The following SH3RF3 variants were observed in gnomAD, a reference collection of about 807,000 sequenced individuals.
SH3RF3 encodes the protein E3 ubiquitin-protein ligase SH3RF3.
A neutral mutation model predicts 66.3 loss-of-function variants in SH3RF3; 29 were observed. The observed-to-expected ratio is 0.44, with a 90% confidence interval of 0.33 to 0.60. SH3RF3 has a LOEUF of 0.60. Ranked by LOEUF, SH3RF3 falls within the 20% of genes least tolerant of loss-of-function variation. The probability of loss-of-function intolerance (pLI) is 0.04; values close to 1 mark genes in which losing one functional copy is unlikely to be tolerated. For synonymous variants in SH3RF3, 583 were observed against 532.0 expected, an observed-to-expected ratio of 1.10 and a Z score of -1.32; for missense variants, 1,194 against 1,190.9, an observed-to-expected ratio of 1.00 and a Z score of -0.04.
intron 1 of SH3RF3, among the ~76,000 whole-genome samples, chr2:109,220,719 A>G (rs986281438): frequency 1.4e-5 from 2 of 143,456 alleles, no homozygotes; most frequent in Non-Finnish European, 3.0e-5. Flanking sequence ...ACAGTGAGAA[A>G]CCATTCCCAC....
chr2:109,294,718 C>T (rs923230934), intron 1 of SH3RF3, among the ~76,000 whole-genome samples: 2 of 152,120 alleles, frequency 1.3e-5, no homozygotes, highest in African/African-American at 4.8e-5. Flanking sequence ...ACAGACACAG[C>T]CCTACAGGGG....
At chr2:109,391,801 C>A (rs1043182051) in intron 3 of SH3RF3, among the ~76,000 whole-genome samples, 5 of 152,110 alleles carry the variant, frequency 3.3e-5, no homozygotes, top group African/African-American at 1.2e-4. Context: ...TTTGCCTGAC[C>A]CACTTTTCAT....
At chr2:109,211,272 T>C (rs1160319286) in intron 1 of SH3RF3, among the ~76,000 whole-genome samples, 1 of 152,242 alleles carries the variant, frequency 6.6e-6, no homozygotes, top group Non-Finnish European at 1.5e-5. Context: ...GGGGATGTCC[T>C]GCCATTTGCA....
intron 1 of SH3RF3, among the ~76,000 whole-genome samples, chr2:109,189,788 C>T (rs1678298502): frequency 6.6e-6 from 1 of 152,172 alleles, no homozygotes. Flanking sequence ...ACAAGTTCCC[C>T]AACAGTGAGA....
rs758348459 is a variant in SH3RF3 at position 109,449,333 on chromosome 2, G to T, written c.1992G>T (p.Pro664=). The T allele has an allele frequency of 2.0e-5, 32 of 1,604,756 alleles. No homozygotes were observed. The East Asian group carries it at 7.2e-4, about 36-fold the overall frequency. ...HQPPVQMCPR[P]AIPLTSAASA... is the part of the protein sequence containing the mutation. ...CCCCGGTGCAGATGTGCCCACGGCC[G>T]GCCATCCCCCTCACATCAGCAGCAT... The change falls in exon 8 of 10, where the codon CCG becomes CCT. Residue 664 remains proline (P), a synonymous_variant. Transcript: ENST00000309415.
At chr2:109,139,316 T>C (rs1390932759) in intron 1 of SH3RF3, among the ~76,000 whole-genome samples, 1 of 152,160 alleles carries the variant, frequency 6.6e-6, no homozygotes, top group Non-Finnish European at 1.5e-5. Flanking sequence ...ACTGACCTTT[T>C]TTTTTTTACT....
intron 1 of SH3RF3, among the ~76,000 whole-genome samples, chr2:109,301,580 T>C (rs1681470548): frequency 6.6e-6 from 1 of 152,142 alleles, no homozygotes; most frequent in Non-Finnish European, 1.5e-5. Context: ...GCCTAGTGTC[T>C]ACGCTACCAC....
chr2:109,364,891 G>T (rs1196464626), intron 2 of SH3RF3, among the ~76,000 whole-genome samples: 1 of 152,170 alleles, frequency 6.6e-6, no homozygotes, highest in Non-Finnish European at 1.5e-5. Flanking sequence ...AGGAGTTCGA[G>T]ACCAGCCTGG....
intron 1 of SH3RF3, among the ~76,000 whole-genome samples, chr2:109,153,825 C>T (rs1677277208): frequency 6.6e-6 from 1 of 152,262 alleles, no homozygotes; most frequent in Non-Finnish European, 1.5e-5. Context: ...AGATTTCCTG[C>T]AGACCTGCTT....
rs373211870 is a variant in SH3RF3, at chr2:109,437,129, G to A, written c.1811G>A (p.Arg604Gln). ...HSAQPTASQARSTISTAAHSA... is the reference protein window; with the variant it reads ...HSAQPTASQAQSTISTAAHSA... ...GCCCAGCCAACGGCCAGCCAAGCCC[G>A]GAGCACCATTTCAACAGGTACCTTC... Residue 604 changes from arginine to glutamine, a missense_variant, in exon 7 of 10, where the codon CGG (arginine) becomes CAG (glutamine). Coordinates refer to ENST00000309415, the MANE Select transcript of SH3RF3 (RefSeq NM_001099289.3). 26 of 1,611,520 alleles carry A rather than the reference G, an allele frequency of 1.6e-5. No individual in the cohort carries two copies. Among genetic ancestry groups the A allele is most frequent in the East Asian group, 1.1e-4 (5 of 44,808 alleles).
chr2:109,466,520 T>G (rs1483228081), intron 8 of SH3RF3, among the ~76,000 whole-genome samples: 1 of 152,228 alleles, frequency 6.6e-6, no homozygotes, highest in Non-Finnish European at 1.5e-5. Flanking sequence ...TGTCTCTCAG[T>G]CTGTGACTTG....
chr2:109,366,500 G>A (rs1023116499), intron 2 of SH3RF3, among the ~76,000 whole-genome samples: 1 of 152,138 alleles, frequency 6.6e-6, no homozygotes, highest in East Asian at 1.9e-4. Context: ...GTTTATGCAC[G>A]TATACATATA....
chr2:109,314,542 T>C (rs1681824830), intron 1 of SH3RF3, among the ~76,000 whole-genome samples: 1 of 152,210 alleles, frequency 6.6e-6, no homozygotes, highest in Non-Finnish European at 1.5e-5. Context: ...AATAGCACCA[T>C]CAACTAATAC....
At chr2:109,174,570 A>G (rs376867489) in intron 1 of SH3RF3, among the ~76,000 whole-genome samples, 1 of 152,204 alleles carries the variant, frequency 6.6e-6, no homozygotes, top group African/African-American at 2.4e-5. Context: ...GGTGTCTGGA[A>G]TTCCCTCCAT....
chr2:109,501,675 C>G lies in SH3RF3; in HGVS notation c.*4C>G, dbSNP rs970498794. On this transcript the variant is annotated 3_prime_UTR_variant, in exon 10 of 10. Coordinates refer to ENST00000309415, the MANE Select transcript of SH3RF3 (RefSeq NM_001099289.3). Reference sequence around the variant, plus strand: ...CAGCTTCGTCGAGAGCTTCTGAGAACTGGTGCTCCCTGCACCCAGCTCACA... The same window carrying G: ...CAGCTTCGTCGAGAGCTTCTGAGAAGTGGTGCTCCCTGCACCCAGCTCACA... 2.0e-5 allele frequency: 15 copies of G among 755,328 alleles called. No homozygotes were observed. Among genetic ancestry groups the G allele is most frequent in the Middle Eastern group, 2.3e-4 (1 of 4,410 alleles). 46.8% of individuals were successfully genotyped at this position (755,328 alleles called of 1,614,324 possible). A position where few individuals can be genotyped will look rare whatever the true frequency, so the allele number is the denominator to read the frequency against.
At chr2:109,497,618 A>G (rs1679288112) in intron 9 of SH3RF3, among the ~76,000 whole-genome samples, 1 of 152,210 alleles carries the variant, frequency 6.6e-6, no homozygotes, top group African/African-American at 2.4e-5. Context: ...GGACACGACA[A>G]CGGCGCTCTG....
intron 1 of SH3RF3, among the ~76,000 whole-genome samples, chr2:109,330,614 TGTGTG>T (rs1228937061): frequency 4.0e-5 from 6 of 151,806 alleles, no homozygotes; most frequent in Non-Finnish European, 8.8e-5. Flanking sequence ...GGTCAATGGG[TGTGTG>T]GTGGATGGAT....
In SH3RF3 at chr2:109,130,064, C is replaced by G; in HGVS notation, c.524C>G (p.Ala175Gly). ...VFLSAAAGST[A>G]GSLRELATSR... is the part of the protein sequence containing the mutation. ...CTCTCCGCGGCCGCGGGCAGCACCG[C>G]CGGCAGTCTGCGGGAGCTGGCGACC... The change falls in exon 1 of 10, where the codon GCC becomes GGC. Residue 175 changes from alanine to glycine, a missense_variant. Coordinates refer to ENST00000309415, the MANE Select transcript of SH3RF3 (RefSeq NM_001099289.3). 1 of 1,368,784 alleles carries G rather than the reference C, an allele frequency of 7.3e-7. No homozygotes were observed. Among genetic ancestry groups the G allele is most frequent in the Non-Finnish European group, 9.4e-7 (1 of 1,062,282 alleles). The allele number at this position is 1,368,784 out of a possible 1,614,324, so 84.8% of individuals were successfully genotyped here. A position where few individuals can be genotyped will look rare whatever the true frequency, so the allele number is the denominator to read the frequency against.
At chr2:109,341,718 C>T (rs1202970712) in intron 1 of SH3RF3, among the ~76,000 whole-genome samples, 1 of 152,172 alleles carries the variant, frequency 6.6e-6, no homozygotes, top group African/African-American at 2.4e-5. Context: ...GCCCACCCTA[C>T]TGTGTCTACC....
Sources: allele counts gnomAD v4.1 joint callset (sites outside exome capture counted in the v4.1 genomes callset), GRCh38; gene constraint gnomAD v4.1.1; transcripts MANE v1.5; gene names NCBI Gene and HGNC (gene_info 2026-07-23, HGNC 2026-07-21).